The following AHCTF1 variants were observed in gnomAD, a reference collection of about 807,000 sequenced individuals.
AHCTF1 encodes the protein protein ELYS.
A neutral mutation model predicts 248.4 loss-of-function variants in AHCTF1; 24 were observed. The ratio of observed to expected loss-of-function variants is 0.10; its 90% CI spans 0.07 to 0.14. AHCTF1 has a LOEUF of 0.14. Ranked by LOEUF, AHCTF1 falls within the 10% of genes least tolerant of loss-of-function variation. The probability of loss-of-function intolerance (pLI) is 1.00; values close to 1 mark genes in which losing one functional copy is unlikely to be tolerated. For synonymous variants in AHCTF1, 786 were observed against 929.8 expected (o/e 0.85, Z 2.81); for missense variants, 2,206 against 2,636.2 (o/e 0.84, Z 3.57).
At chr1:246,906,911 A>G (rs1210432856) in intron 5 of AHCTF1, among the ~76,000 whole-genome samples, 4 of 152,134 alleles carry the variant, frequency 2.6e-5, no homozygotes, top group African/African-American at 9.7e-5. Flanking sequence ...GTTACTTTAC[A>G]CAGATGATGA....
chr1:246,846,915 A>T lies in AHCTF1; in HGVS notation c.6391+2700T>A, dbSNP rs1331061282. ...TACAGGTGCAGCCACCACATGCCCA[A>T]ATCATTAAAAATTTTTCTTTTGTAG... On this transcript the variant is annotated intron_variant, in intron 33 of 35. Coordinates refer to ENST00000648844, the MANE Select transcript of AHCTF1 (RefSeq NM_001323342.2). Among the ~76,000 whole-genome samples the T allele has an allele frequency of 2.0e-5, 3 of 151,906 alleles. No individual in the cohort carries two copies. In the East Asian group the frequency reaches 5.9e-4, roughly 30 times the overall value.
intron 1 of AHCTF1, among the ~76,000 whole-genome samples, chr1:246,918,994 A>T (rs1029134389): frequency 8.5e-5 from 13 of 152,352 alleles, no homozygotes; most frequent in Middle Eastern, 3.4e-3. Flanking sequence ...AGTTTGGTAC[A>T]TATCTTTTGC....
chr1:246,848,964 T>C (rs1323263821), intron 33 of AHCTF1, among the ~76,000 whole-genome samples: 2 of 152,210 alleles, frequency 1.3e-5, no homozygotes, highest in African/African-American at 4.8e-5. Flanking sequence ...TTTAGACATG[T>C]TTAAAGCACC....
In AHCTF1 at chr1:246,895,839, T is replaced by C. The variant is rs1359760140; in HGVS notation, c.1710A>G (p.Thr570=). The C allele has an allele frequency of 2.5e-6, 4 of 1,608,896 alleles. No individual in the cohort carries two copies. The African/African-American group carries it at 5.3e-5, about 22-fold the overall frequency. ...LLTGYIRRWI[T]EEQPNSATNL... Reference sequence around the variant, plus strand: ...TACTTGTTATCAGAATCTTACCTTCTGTTATCCATCTTCGGATATAACCAG... The same window carrying C: ...TACTTGTTATCAGAATCTTACCTTCCGTTATCCATCTTCGGATATAACCAG... Residue 570 remains threonine (T), a synonymous_variant, in exon 13 of 36, where the codon ACA becomes ACG. Coordinates refer to ENST00000648844, the MANE Select transcript of AHCTF1 (RefSeq NM_001323342.2).
intron 17 of AHCTF1, among the ~76,000 whole-genome samples, chr1:246,889,747 A>G (rs1005826861): frequency 1.3e-5 from 2 of 152,158 alleles, no homozygotes; most frequent in African/African-American, 4.8e-5. Context: ...GACTCTCAAC[A>G]CCACTTTCTT....
intron 24 of AHCTF1, among the ~76,000 whole-genome samples, chr1:246,868,183 C>T (rs1283739267): frequency 6.7e-6 from 1 of 149,430 alleles, no homozygotes; most frequent in East Asian, 2.0e-4. Flanking sequence ...GGCTGGAGTG[C>T]AGTGGCACAA....
At chr1:246,924,955 A>G (rs534035660) in intron 1 of AHCTF1, among the ~76,000 whole-genome samples, 1 of 152,310 alleles carries the variant, frequency 6.6e-6, no homozygotes, top group Non-Finnish European at 1.5e-5. Context: ...TTGCTCTTAT[A>G]TACACAAATG....
In AHCTF1 at chr1:246,840,386, T is replaced by C. The variant is rs1448494851; in HGVS notation, c.*420A>G. The C allele has an allele frequency of 6.5e-6, 1 of 152,746 alleles. No individual in the cohort carries two copies. Among genetic ancestry groups the C allele is most frequent in the Non-Finnish European group, 1.5e-5 (1 of 68,126 alleles). The allele number at this position is 152,746 out of a possible 1,614,324, so 9.5% of individuals were successfully genotyped here. A position where few individuals can be genotyped will look rare whatever the true frequency, so the allele number is the denominator to read the frequency against. On this transcript the variant is annotated 3_prime_UTR_variant, in exon 36 of 36. Transcript: ENST00000648844. ...TCACAGAATCAAAGTGCATAAATTATAAAATAGTAACTGTAAAAAGAAATA... is the reference window on the plus strand; with the variant it reads ...TCACAGAATCAAAGTGCATAAATTACAAAATAGTAACTGTAAAAAGAAATA...
Position 246,839,448 on chromosome 1 carries a change from A to G in AHCTF1, c.*1358T>C. The G allele has an allele frequency of 4.3e-6, 3 of 698,282 alleles. No homozygotes were observed. Among genetic ancestry groups the G allele is most frequent in the Non-Finnish European group, 5.3e-6 (3 of 568,140 alleles). The allele number at this position is 698,282 out of a possible 1,614,324, so 43.3% of individuals were successfully genotyped here. A position where few individuals can be genotyped will look rare whatever the true frequency, so the allele number is the denominator to read the frequency against. ...CATAAATGACAAGCAGCTTAAATAC[A>G]AGTTTGATAACTATCATTAAAAAAG... On this transcript the variant is annotated 3_prime_UTR_variant, in exon 36 of 36. Coordinates refer to ENST00000648844, the MANE Select transcript of AHCTF1 (RefSeq NM_001323342.2).
chr1:246,859,531 A>G (rs1397947144), intron 29 of AHCTF1, among the ~76,000 whole-genome samples: 9 of 152,190 alleles, frequency 5.9e-5, no homozygotes, highest in Admixed American at 4.6e-4. Flanking sequence ...ACAGGAATAC[A>G]TACTTCAGGA....
At chr1:246,855,445 C>G (rs573693075) in intron 31 of AHCTF1, among the ~76,000 whole-genome samples, 1 of 152,180 alleles carries the variant, frequency 6.6e-6, no homozygotes, top group African/African-American at 2.4e-5. Context: ...CGAAATAACT[C>G]TTCTGAGTCC....
chr1:246,886,497 A>C (rs1310914100), intron 20 of AHCTF1, among the ~76,000 whole-genome samples: 1 of 152,216 alleles, frequency 6.6e-6, no homozygotes, highest in Non-Finnish European at 1.5e-5. Flanking sequence ...AAAATACCCA[A>C]TGAAATGTAA....
At chr1:246,841,868 T>C (rs1262474496) in intron 35 of AHCTF1, among the ~76,000 whole-genome samples, 1 of 151,972 alleles carries the variant, frequency 6.6e-6, no homozygotes, top group Non-Finnish European at 1.5e-5. Context: ...CTTGGCTCAC[T>C]GCAACCTCCG....
rs761142676 is a variant in AHCTF1, at chr1:246,916,402, GA to G, written c.122-8del. Reference sequence around the variant, plus strand: ...CAAGCAAGTCCATTTTTCCCTAGAAGAAAAAAAAATTGCCTATTTTAATATT... The same window carrying G: ...CAAGCAAGTCCATTTTTCCCTAGAAGAAAAAAAATTGCCTATTTTAATATT... On this transcript the variant is annotated splice_region_variant and splice_polypyrimidine_tract_variant and intron_variant, in intron 2 of 35. Coordinates refer to ENST00000648844, the MANE Select transcript of AHCTF1 (RefSeq NM_001323342.2). The G allele has an allele frequency of 1.3e-4, 204 of 1,584,546 alleles. No homozygotes were observed. The highest frequency in any genetic ancestry group is 1.6e-4 in the Non-Finnish European group (186 of 1,168,008).
chr1:246,873,456 G>A (rs934808073), intron 24 of AHCTF1, among the ~76,000 whole-genome samples: 362 of 140,880 alleles, frequency 2.6e-3, no homozygotes, highest in African/African-American at 0.01. Context: ...GCATCATAGC[G>A]AAGGGAAAGA....
intron 33 of AHCTF1, among the ~76,000 whole-genome samples, chr1:246,846,687 GA>G (rs1010741292): frequency 4.2e-5 from 6 of 143,938 alleles, no homozygotes; most frequent in African/African-American, 1.3e-4. Context: ...ATGCCAATAT[GA>G]AAAAAAAAGA....
intron 1 of AHCTF1, chr1:246,931,199 T>C (rs752738277): frequency 1.3e-6 from 2 of 1,549,796 alleles, no homozygotes; most frequent in South Asian, 1.2e-5. Flanking sequence ...GCCGCTTCCC[T>C]CGGGGAAAGG....
intron 24 of AHCTF1, among the ~76,000 whole-genome samples, chr1:246,873,485 T>C (rs1662739620): frequency 6.6e-6 from 1 of 152,006 alleles, no homozygotes; most frequent in Non-Finnish European, 1.5e-5. Context: ...CAATACTAAA[T>C]GTACTAGAGA....
rs940538179 is a variant in AHCTF1 at position 246,842,601 on chromosome 1, AAAAT to A, written c.6608+89_6608+92del. On this transcript the variant is annotated intron_variant, in intron 35 of 35. Transcript: ENST00000648844. The stretch of plus-strand genomic sequence containing the variant: ...TGTCTCAAAAAAAATAAATAAAAAT[AAAAT>A]AAAATAATAAAAGGAGGATAGTAGG... 3.5e-5 allele frequency: 34 copies of A among 964,436 alleles called. No homozygotes were observed. The African/African-American group carries it at 4.2e-4, about 12-fold the overall frequency. 59.7% of individuals were successfully genotyped at this position (964,436 alleles called of 1,614,324 possible).
Sources: allele counts gnomAD v4.1 joint callset (sites outside exome capture counted in the v4.1 genomes callset), GRCh38; gene constraint gnomAD v4.1.1; transcripts MANE v1.5; gene names NCBI Gene and HGNC (gene_info 2026-07-23, HGNC 2026-07-21).